FBXL7: variants seen among roughly 807,000 people sequenced by gnomAD.
FBXL7 encodes the protein F-box/LRR-repeat protein 7.
A neutral mutation model predicts 38.3 loss-of-function variants in FBXL7; 12 were observed. The observed-to-expected ratio is 0.31, with a 90% CI of 0.20 to 0.51. The LOEUF (loss-of-function observed/expected upper bound fraction) is 0.51, where lower values mean the gene tolerates loss of function less well. Among genes scored for constraint, FBXL7 ranks in the 20% least tolerant of loss-of-function variants. The probability of loss-of-function intolerance (pLI) is 0.98; values close to 1 mark genes in which losing one functional copy is unlikely to be tolerated. For synonymous variants in FBXL7, 297 were observed against 300.9 expected, an observed-to-expected ratio of 0.99 and a Z score of 0.13; for missense variants, 567 against 676.4, an observed-to-expected ratio of 0.84 and a Z score of 1.79.
chr5:15,541,441 GTGTATATATATATATATATATATATA>G (rs1737746265), intron 1 of FBXL7, among the ~76,000 whole-genome samples: 1 of 53,370 alleles, frequency 1.9e-5, no homozygotes. Flanking sequence ...ATGTGTGTGT[GTGTATATATATATATATATATATATA>G]TATATATATA....
intron 1 of FBXL7, among the ~76,000 whole-genome samples, chr5:15,555,084 T>C (rs114077352): frequency 0.025 from 3,873 of 152,330 alleles, 164 homozygotes; most frequent in African/African-American, 0.089. Context: ...CTCTGGAATA[T>C]TGACAACAGA....
chr5:15,814,642 T>G (rs1308735412), intron 2 of FBXL7, among the ~76,000 whole-genome samples: 2 of 152,142 alleles, frequency 1.3e-5, no homozygotes, highest in Admixed American at 1.3e-4. Context: ...TAAAAAAATT[T>G]TTTTTAATGG....
chr5:15,671,298 G>T (rs1742465052), intron 2 of FBXL7, among the ~76,000 whole-genome samples: 1 of 152,088 alleles, frequency 6.6e-6, no homozygotes, highest in South Asian at 2.1e-4. Context: ...ACTAACTCTT[G>T]CCCCTTCTTC....
intron 1 of FBXL7, among the ~76,000 whole-genome samples, chr5:15,573,969 C>T (rs1223300017): frequency 6.6e-6 from 1 of 152,176 alleles, no homozygotes; most frequent in Non-Finnish European, 1.5e-5. Context: ...GAGCATTGTT[C>T]TTACATTCAG....
At chr5:15,541,439 G>GTA (rs1465662990) in intron 1 of FBXL7, among the ~76,000 whole-genome samples, 1 of 58,296 alleles carries the variant, frequency 1.7e-5, no homozygotes. Flanking sequence ...ATATGTGTGT[G>GTA]TGTGTATATA....
At chr5:15,817,328 A>G (rs759443272) in intron 2 of FBXL7, among the ~76,000 whole-genome samples, 9 of 152,016 alleles carry the variant, frequency 5.9e-5, no homozygotes, top group Middle Eastern at 3.4e-3. Context: ...AGGCAATGAT[A>G]TTTCACTTAT....
intron 2 of FBXL7, among the ~76,000 whole-genome samples, chr5:15,769,366 A>G (rs1040080301): frequency 1.3e-5 from 2 of 152,200 alleles, no homozygotes; most frequent in Non-Finnish European, 2.9e-5. Context: ...GGGCAGGAAA[A>G]TCCTCCATAG....
chr5:15,670,340 TAA>T (rs200730894), intron 2 of FBXL7, among the ~76,000 whole-genome samples: 3,856 of 152,300 alleles, frequency 0.025, 86 homozygotes, highest in East Asian at 0.052. Flanking sequence ...TGTTTAAAAT[TAA>T]AAGTCTTTCT....
At chr5:15,604,676 T>C (rs1739946151) in intron 1 of FBXL7, among the ~76,000 whole-genome samples, 1 of 152,210 alleles carries the variant, frequency 6.6e-6, no homozygotes, top group African/African-American at 2.4e-5. Context: ...TTTAATTCTT[T>C]CTCTGCTTAC....
intron 2 of FBXL7, among the ~76,000 whole-genome samples, chr5:15,657,755 T>C (rs1298754657): frequency 6.6e-6 from 1 of 152,000 alleles, no homozygotes; most frequent in African/African-American, 2.4e-5. Context: ...GGAGAATTGC[T>C]TGAACCCAGA....
At chr5:15,872,771 G>C (rs1423306695) in intron 2 of FBXL7, among the ~76,000 whole-genome samples, 1 of 152,170 alleles carries the variant, frequency 6.6e-6, no homozygotes, top group African/African-American at 2.4e-5. Flanking sequence ...GGAGCACCCA[G>C]ATTCATAAAG....
intron 2 of FBXL7, among the ~76,000 whole-genome samples, chr5:15,816,852 A>G (rs1200074443): frequency 6.6e-6 from 1 of 152,334 alleles, no homozygotes; most frequent in East Asian, 1.9e-4. Context: ...TAAATTAATC[A>G]TATTAAGAAT....
chr5:15,841,639 A>C (rs1356597831), intron 2 of FBXL7, among the ~76,000 whole-genome samples: 1 of 152,196 alleles, frequency 6.6e-6, no homozygotes, highest in African/African-American at 2.4e-5. Flanking sequence ...AGAGTAAAAT[A>C]CATTTTCCCT....
chr5:15,867,605 A>C (rs892863916), intron 2 of FBXL7, among the ~76,000 whole-genome samples: 1 of 152,216 alleles, frequency 6.6e-6, no homozygotes, highest in Non-Finnish European at 1.5e-5. Context: ...AATGAGTTCT[A>C]TTAAATGGCA....
chr5:15,523,495 C>T (rs1192761358), intron 1 of FBXL7, among the ~76,000 whole-genome samples: 1 of 151,666 alleles, frequency 6.6e-6, no homozygotes, highest in African/African-American at 2.4e-5. Context: ...GGAGGTGGAG[C>T]TTGCAGTGAG....
At chr5:15,662,572 C>T (rs1042534101) in intron 2 of FBXL7, among the ~76,000 whole-genome samples, 2 of 152,030 alleles carry the variant, frequency 1.3e-5, no homozygotes, top group Non-Finnish European at 2.9e-5. Context: ...TAAATTTTTG[C>T]TTGTTCCTAT....
rs537381607 is a variant in FBXL7, at chr5:15,777,846, T to C, written c.128-150044T>C. ...TATTACATGTGATCTAGGACAATAC[T>C]AATTTATCTTCTCTCTGGCCATATT... On this transcript the variant is annotated intron_variant, in intron 2 of 3. Coordinates refer to ENST00000504595, the MANE Select transcript of FBXL7 (RefSeq NM_012304.5). Among the ~76,000 whole-genome samples, 4 of 151,414 alleles carry C rather than the reference T, an allele frequency of 2.6e-5. No homozygotes were observed. The South Asian group carries it at 8.4e-4, about 32-fold the overall frequency.
At chr5:15,925,215 A>T (rs1741850917) in intron 2 of FBXL7, among the ~76,000 whole-genome samples, 1 of 152,214 alleles carries the variant, frequency 6.6e-6, no homozygotes, top group Non-Finnish European at 1.5e-5. Context: ...AATCAACCAC[A>T]TTGGAAAAGA....
intron 1 of FBXL7, among the ~76,000 whole-genome samples, chr5:15,614,330 C>T (rs1278645081): frequency 1.3e-5 from 2 of 150,472 alleles, no homozygotes; most frequent in Non-Finnish European, 2.9e-5. Flanking sequence ...AGTGCAATGG[C>T]GCAATCTTGG....
Sources: gnomAD v4.1 joint callset for allele counts (sites outside exome capture counted in the v4.1 genomes callset) on GRCh38, gnomAD v4.1.1 for gene constraint, MANE v1.5 for transcripts, NCBI Gene and HGNC (gene_info 2026-07-23, HGNC 2026-07-21) for gene names.